Variants in TENM4 observed in about 807,000 individuals in gnomAD.
TENM4 encodes teneurin-4.
In TENM4, 82 loss-of-function variants were observed where a neutral mutation model predicts 243.3. The observed-to-expected ratio is 0.34, with a 90% CI of 0.28 to 0.40. The LOEUF (loss-of-function observed/expected upper bound fraction) is 0.40. TENM4 is among the 10% of genes least tolerant of loss of function. The pLI is 1.00. For synonymous variants in TENM4, 1,412 were observed against 1,456.3 expected (o/e 0.97, Z 0.69); for missense variants, 3,138 against 3,673.3 (o/e 0.85, Z 3.77).
At chr11:79,004,775 A>C (rs1201950019) in intron 6 of TENM4, among the ~76,000 whole-genome samples, 1 of 152,142 alleles carries the variant, frequency 6.6e-6, no homozygotes, top group East Asian at 1.9e-4. Context: ...GGAAATTGAG[A>C]TGCAAAAAAC....
At chr11:78,704,034 TACACACACAC>T (rs375601895) in intron 27 of TENM4, among the ~76,000 whole-genome samples, 4 of 138,272 alleles carry the variant, frequency 2.9e-5, no homozygotes, top group Middle Eastern at 3.6e-3. Flanking sequence ...CATATATATA[TACACACACAC>T]ACACACACAC....
At chr11:78,683,440 C>T (rs1326732880) in intron 29 of TENM4, among the ~76,000 whole-genome samples, 1 of 67,526 alleles carries the variant, frequency 1.5e-5, no homozygotes, top group Admixed American at 1.3e-4. Context: ...ATTCCGTGGG[C>T]GTAGGACCCT....
In TENM4 at chr11:79,069,648, G is replaced by A. The variant is rs889813165; in HGVS notation, c.223+74C>T. On this transcript the variant is annotated intron_variant, in intron 5 of 33. Transcript: ENST00000278550. The stretch of plus-strand genomic sequence containing the variant: ...CCTGTGCCACGCCCACCTGCGCCAC[G>A]CCCACCCGAGCCCATGCCTACCTGA... 3.4e-6 allele frequency: 5 copies of A among 1,471,714 alleles called. No homozygotes were observed. In the Admixed American group the frequency reaches 6.8e-5, roughly 20 times the overall value. The allele number at this position is 1,471,714 out of a possible 1,614,324, so 91.2% of individuals were successfully genotyped here. A position where few individuals can be genotyped will look rare whatever the true frequency, so the allele number is the denominator to read the frequency against.
intron 6 of TENM4, among the ~76,000 whole-genome samples, chr11:79,039,686 G>T (rs1175998827): frequency 6.6e-6 from 1 of 152,144 alleles, no homozygotes; most frequent in East Asian, 1.9e-4. Flanking sequence ...TAATACATGT[G>T]GGGCTTAAAA....
intron 16 of TENM4, among the ~76,000 whole-genome samples, chr11:78,779,693 G>C (rs1856805186): frequency 6.6e-6 from 1 of 152,092 alleles, no homozygotes; most frequent in Non-Finnish European, 1.5e-5. Flanking sequence ...CGGGTAGCTG[G>C]GCAGTCTCCT....
intron 1 of TENM4, among the ~76,000 whole-genome samples, chr11:79,310,466 C>A (rs143472051): frequency 2.0e-5 from 3 of 152,338 alleles, no homozygotes; most frequent in Admixed American, 6.5e-5. Flanking sequence ...AGCCTGAATA[C>A]GCACTCATAT....
At chr11:79,022,702 T>G (rs1345585040) in intron 6 of TENM4, among the ~76,000 whole-genome samples, 2 of 152,130 alleles carry the variant, frequency 1.3e-5, no homozygotes, top group African/African-American at 2.4e-5. Flanking sequence ...AAATTAACTT[T>G]GTAAAAAATG....
chr11:79,240,172 A>G (rs1393885859), intron 2 of TENM4, among the ~76,000 whole-genome samples: 1 of 152,108 alleles, frequency 6.6e-6, no homozygotes, highest in African/African-American at 2.4e-5. Flanking sequence ...GGGTGATAAC[A>G]GCACCTACCT....
At chr11:79,025,903 T>C (rs540474073) in intron 6 of TENM4, among the ~76,000 whole-genome samples, 1 of 152,336 alleles carries the variant, frequency 6.6e-6, no homozygotes, top group Admixed American at 6.5e-5. Context: ...CCGGGACACA[T>C]GCACTCTGCT....
intron 9 of TENM4, among the ~76,000 whole-genome samples, chr11:78,882,473 G>A (rs888367615): frequency 6.6e-6 from 1 of 152,306 alleles, no homozygotes; most frequent in Middle Eastern, 3.4e-3. Flanking sequence ...CCTTGTGCCA[G>A]GCTTTGTGCT....
At chr11:79,396,187 G>A (rs1858340495) in intron 1 of TENM4, among the ~76,000 whole-genome samples, 1 of 152,108 alleles carries the variant, frequency 6.6e-6, no homozygotes, top group Non-Finnish European at 1.5e-5. Context: ...CCAGCCTAAT[G>A]GCTTCTTAGA....
intron 3 of TENM4, among the ~76,000 whole-genome samples, chr11:79,178,274 T>C (rs1375752582): frequency 1.3e-5 from 2 of 152,110 alleles, no homozygotes; most frequent in East Asian, 3.9e-4. Context: ...TGAGAAGAGC[T>C]GTTGCCTGTT....
chr11:79,058,188 T>G (rs867054314), intron 6 of TENM4, among the ~76,000 whole-genome samples: 23 of 152,208 alleles, frequency 1.5e-4, no homozygotes, highest in African/African-American at 5.3e-4. Context: ...CTATATTTTT[T>G]GGGTTGAGCT....
chr11:79,177,872 C>A (rs570651914), intron 3 of TENM4, among the ~76,000 whole-genome samples: 98 of 152,148 alleles, frequency 6.4e-4, no homozygotes, highest in African/African-American at 2.3e-3. Context: ...GTGTAGAGCC[C>A]CATGGGACAT....
Position 78,741,450 on chromosome 11 carries a change from A to G in TENM4, c.2757-2880T>C, listed in dbSNP as rs556266648. On this transcript the variant is annotated intron_variant, in intron 19 of 33. Transcript: ENST00000278550. ...ACAGAGGTGGGAAGAGACACACAGG[A>G]GGATGCCATTATGCGGTACTGCCAC... 2.7e-3 allele frequency among the ~76,000 whole-genome samples: 410 copies of G among 152,348 alleles called. 3 individuals are homozygous for G. The highest frequency in any genetic ancestry group is 9.3e-3 in the African/African-American group (387 of 41,582).
intron 6 of TENM4, among the ~76,000 whole-genome samples, chr11:78,982,525 T>A (rs1857822079): frequency 6.6e-6 from 1 of 152,022 alleles, no homozygotes; most frequent in Non-Finnish European, 1.5e-5. Flanking sequence ...AATCACAGCA[T>A]CTCAAGTGGT....
intron 4 of TENM4, among the ~76,000 whole-genome samples, chr11:79,137,509 G>A (rs917509803): frequency 2.0e-5 from 3 of 152,142 alleles, no homozygotes; most frequent in Non-Finnish European, 4.4e-5. Context: ...AACCCACAAG[G>A]TGCTTGCTGA....
In TENM4 at chr11:78,805,281, C is replaced by CACCCACCACA; in HGVS notation, c.2179+10_2179+11insTGTGGTGGGT. On this transcript the variant is annotated intron_variant, in intron 15 of 33. Transcript: ENST00000278550. ...TCCCTCTACCCATGCTTCTTCTCCC[C>CACCCACCACA]CTGCATTTACCGATAGAACAGTCGT... is the stretch of plus-strand genomic sequence containing the variant. 55 of 1,488,270 alleles carry CACCCACCACA rather than the reference C, an allele frequency of 3.7e-5. No individual in the cohort carries two copies. The highest frequency in any genetic ancestry group is 5.3e-5 in the East Asian group (2 of 37,496). 92.2% of individuals were successfully genotyped at this position (1,488,270 alleles called of 1,614,324 possible).
chr11:78,965,122 C>T (rs997120488), intron 6 of TENM4, among the ~76,000 whole-genome samples: 1 of 152,118 alleles, frequency 6.6e-6, no homozygotes, highest in African/African-American at 2.4e-5. Flanking sequence ...CTCGCTTAGG[C>T]CTCCCAAAGT....
Sources: allele counts gnomAD v4.1 joint callset (sites outside exome capture counted in the v4.1 genomes callset), GRCh38; gene constraint gnomAD v4.1.1; transcripts MANE v1.5; gene names NCBI Gene and HGNC (gene_info 2026-07-23, HGNC 2026-07-21).